CROCC2: variants seen among roughly 807,000 people sequenced by gnomAD.
CROCC2 encodes ciliary rootlet coiled-coil protein 2.
CROCC2 carries 163 observed loss-of-function variants against 177.6 expected under a neutral mutation model. The ratio of observed to expected loss-of-function variants is 0.92; its 90% CI spans 0.81 to 1.05. The LOEUF is 1.05. Ranked by LOEUF, CROCC2 falls within the 50% of genes least tolerant of loss-of-function variation. The probability of loss-of-function intolerance (pLI) is 0.00; values close to 1 mark genes in which losing one functional copy is unlikely to be tolerated. For synonymous variants in CROCC2, 904 were observed against 787.3 expected (o/e 1.15, Z -2.48); for missense variants, 1,929 against 1,797.8 (o/e 1.07, Z -1.32).
chr2:240,937,210 T>A (rs887374018), intron 14 of CROCC2, among the ~76,000 whole-genome samples: 4 of 152,230 alleles, frequency 2.6e-5, no homozygotes, highest in Admixed American at 2.6e-4. Flanking sequence ...TTTGTTTTTT[T>A]AGCTATTCTG....
In CROCC2 at chr2:240,950,375, C is replaced by T; in HGVS notation, c.2694C>T (p.Ala898=). 1.3e-6 allele frequency: 2 copies of T among 1,550,254 alleles called. No individual in the cohort carries two copies. The highest frequency in any genetic ancestry group is 2.4e-5 in the South Asian group (2 of 84,054). ...CCCTGGCAGAGGAGAAGGAGGTAGC[C>T]AGATGCCAGCTGGAGCAGGAGAAGG... is the stretch of plus-strand genomic sequence containing the variant. ...SLTLAEEKEV[A]RCQLEQEKEL... Residue 898 remains alanine, a synonymous_variant, in exon 18 of 32, where the codon GCC becomes GCT. Transcript: ENST00000690015.
In CROCC2 at chr2:240,949,208, G is replaced by C; in HGVS notation, c.2482+111G>C. On this transcript the variant is annotated intron_variant, in intron 16 of 31. Coordinates refer to ENST00000690015, the MANE Select transcript of CROCC2 (RefSeq NM_001351305.2). This position sits in a 1 kb window ranked among gnomAD's most constrained non-coding sequence, Gnocchi z 4.5. ...TGCACCCCCTCTCCGGAGCCCACAG[G>C]GGCATGAACATGAGCTTGGAGCTCA... 1 of 1,439,762 alleles carries C rather than the reference G, an allele frequency of 6.9e-7. No individual in the cohort carries two copies. The highest frequency in any genetic ancestry group is 1.5e-5 in the South Asian group (1 of 67,318). The allele number at this position is 1,439,762 out of a possible 1,614,324, so 89.2% of individuals were successfully genotyped here.
intron 1 of CROCC2, among the ~76,000 whole-genome samples, chr2:240,907,142 G>A (rs904579719): frequency 3.9e-5 from 6 of 152,218 alleles, no homozygotes; most frequent in African/African-American, 1.4e-4. Flanking sequence ...GGGGCCAGCA[G>A]GGCCTCTCGG....
rs527611852 is a variant in CROCC2 at position 240,960,096 on chromosome 2, G to A, written c.3087+652G>A. On this transcript the variant is annotated intron_variant, in intron 20 of 31. Coordinates refer to ENST00000690015, the MANE Select transcript of CROCC2 (RefSeq NM_001351305.2). This position sits in a 1 kb window ranked among gnomAD's most constrained non-coding sequence, Gnocchi z 5.0. ...CTCTGGAGGCACTGGGGCAGCTGTCGCCTCCCAAAGCCTTCCCGAGAGACA... is the reference window on the plus strand; with the variant it reads ...CTCTGGAGGCACTGGGGCAGCTGTCACCTCCCAAAGCCTTCCCGAGAGACA... 2.6e-5 allele frequency among the ~76,000 whole-genome samples: 4 copies of A among 152,354 alleles called. No homozygotes were observed. The highest frequency in any genetic ancestry group is 4.1e-4 in the South Asian group (2 of 4,830).
In CROCC2 at chr2:240,993,304, T is replaced by C; in HGVS notation, c.*223T>C. On this transcript the variant is annotated 3_prime_UTR_variant, in exon 32 of 32. Coordinates refer to ENST00000690015, the MANE Select transcript of CROCC2 (RefSeq NM_001351305.2). ...TTTTGAATTTTAATAAATAGTTGAA[T>C]CAGCGTAGGAGATGCTATTTTAACT... 1 of 550,420 alleles carries C rather than the reference T, an allele frequency of 1.8e-6. No individual in the cohort carries two copies. Among genetic ancestry groups the C allele is most frequent in the Non-Finnish European group, 3.3e-6 (1 of 305,950 alleles). 34.1% of individuals were successfully genotyped at this position (550,420 alleles called of 1,614,324 possible). A position where few individuals can be genotyped will look rare whatever the true frequency, so the allele number is the denominator to read the frequency against.
intron 14 of CROCC2, among the ~76,000 whole-genome samples, chr2:240,943,247 A>G (rs2059504072): frequency 6.6e-6 from 1 of 152,080 alleles, no homozygotes; most frequent in South Asian, 2.1e-4. Context: ...GGTTCAAGTG[A>G]TCCACCTGCC....
chr2:240,946,755 A>G (rs2059526929), intron 15 of CROCC2, among the ~76,000 whole-genome samples: 1 of 152,228 alleles, frequency 6.6e-6, no homozygotes, highest in Admixed American at 6.5e-5. Context: ...TTCTCCCTGC[A>G]AGGCCTGAGA....
Position 240,982,673 on chromosome 2 carries a change from T to TG in CROCC2, c.4402-202dup. The stretch of plus-strand genomic sequence containing the variant: ...CCCAGGACTTTCGTCTCAGGCTTCC[T>TG]GGGGGTCCACACCTTTGAGGTTACA... On this transcript the variant is annotated intron_variant, in intron 27 of 31. Transcript: ENST00000690015. The surrounding 1 kb of genome is among the most constrained non-coding windows in gnomAD (Gnocchi z 4.7). The TG allele has an allele frequency of 2.0e-6, 1 of 505,678 alleles. No individual in the cohort carries two copies. The highest frequency in any genetic ancestry group is 3.1e-5 in the South Asian group (1 of 32,168). The allele number at this position is 505,678 out of a possible 1,614,324, so 31.3% of individuals were successfully genotyped here.
At chr2:240,932,929 G>A (rs1361375124) in intron 9 of CROCC2, 21 bp downstream of exon 9, 5 of 1,543,332 alleles carry the variant, frequency 3.2e-6, no homozygotes, top group South Asian at 1.2e-5. Context: ...GCAGCCCACA[G>A]GACTCCCTGT....
chr2:240,966,210 T>C lies in CROCC2; in HGVS notation c.3962-15T>C. 9.8e-7 allele frequency: 1 copy of C among 1,024,460 alleles called. No individual in the cohort carries two copies. Among genetic ancestry groups the C allele is most frequent in the Non-Finnish European group, 1.3e-6 (1 of 796,144 alleles). The allele number at this position is 1,024,460 out of a possible 1,614,324, so 63.5% of individuals were successfully genotyped here. A position where few individuals can be genotyped will look rare whatever the true frequency, so the allele number is the denominator to read the frequency against. On this transcript the variant is annotated splice_polypyrimidine_tract_variant and intron_variant, in intron 24 of 31. Transcript: ENST00000690015. ...GTGTTCCTGTCCACGACCCCTCCGC[T>C]GTCACCTCCCGCAGGCTCCGACAGC...
chr2:240,949,454 C>T lies in CROCC2; in HGVS notation c.2483-79C>T, dbSNP rs903789021. On this transcript the variant is annotated intron_variant, in intron 16 of 31. Transcript: ENST00000690015. This position sits in a 1 kb window ranked among gnomAD's most constrained non-coding sequence, Gnocchi z 4.5. ...GAGTGGACAGTGCTTGCCCCCAAGACTGTCACTCCCTAGGAAGTCCCAAAG... is the reference window on the plus strand; with the variant it reads ...GAGTGGACAGTGCTTGCCCCCAAGATTGTCACTCCCTAGGAAGTCCCAAAG... 5 of 1,484,250 alleles carry T rather than the reference C, an allele frequency of 3.4e-6. No homozygotes were observed. The African/African-American group carries it at 7.0e-5, about 21-fold the overall frequency. 91.9% of individuals were successfully genotyped at this position (1,484,250 alleles called of 1,614,324 possible). A position where few individuals can be genotyped will look rare whatever the true frequency, so the allele number is the denominator to read the frequency against.
At chr2:240,912,773 T>C (rs937606775) in intron 1 of CROCC2, among the ~76,000 whole-genome samples, 1 of 152,218 alleles carries the variant, frequency 6.6e-6, no homozygotes, top group African/African-American at 2.4e-5. Context: ...AACGTTCTAA[T>C]CGTGCCGTGG....
chr2:240,943,315 C>T (rs1559599110), intron 14 of CROCC2, among the ~76,000 whole-genome samples: 1 of 151,868 alleles, frequency 6.6e-6, no homozygotes, highest in Non-Finnish European at 1.5e-5. Context: ...TTTTTAAAAT[C>T]GCAATATACA....
At chr2:240,937,791 AGGAGGGGCCTGGTG>A (rs2059478929) in intron 14 of CROCC2, among the ~76,000 whole-genome samples, 1 of 152,120 alleles carries the variant, frequency 6.6e-6, no homozygotes, top group Non-Finnish European at 1.5e-5. Flanking sequence ...GTCAAATTGG[AGGAGGGGCCTGGTG>A]GGAGGTGATT....
chr2:240,946,184 A>G lies in CROCC2; in HGVS notation c.2294A>G (p.Gln765Arg), dbSNP rs2059523085. 1 of 1,547,764 alleles carries G rather than the reference A, an allele frequency of 6.5e-7. No homozygotes were observed. The highest frequency in any genetic ancestry group is 1.4e-5 in the African/African-American group (1 of 73,024). Residue 765 changes from glutamine to arginine, a missense_variant, in exon 15 of 32, where the codon CAG (glutamine) becomes CGG (arginine). This residue lies in a region of CROCC2 where 1,397 missense variants were observed against 1,239.9 expected (regional missense o/e 1.13). Transcript: ENST00000690015. The stretch of plus-strand genomic sequence containing the variant: ...GATGCTCTGTCTGAGGAGCGGGCCC[A>G]GCTGCTGGCCAAGCAGGAGGCCTTG... ...GKDALSEERA[Q>R]LLAKQEALER...
At position 240,955,865 on chromosome 2, in the gene CROCC2, T is replaced by C; in HGVS notation, c.2836T>C (p.Ser946Pro). 1 of 1,533,752 alleles carries C rather than the reference T, an allele frequency of 6.5e-7. No homozygotes were observed. The highest frequency in any genetic ancestry group is 8.7e-7 in the Non-Finnish European group (1 of 1,145,710). The change falls in exon 19 of 32, where the codon TCC becomes CCC. Residue 946 changes from serine to proline, a missense_variant. Around this residue, in one of 3 missense-constraint regions of CROCC2, gnomAD observed 1,397 missense variants for 1,239.9 expected, o/e 1.13. Transcript: ENST00000690015. Reference sequence around the variant, plus strand: ...CATACCCCGTCCTGTTCAGGCCCTGTCCCTGAAAGAAACAGAGCGGAGCCT... The same window carrying C: ...CATACCCCGTCCTGTTCAGGCCCTGCCCCTGAAAGAAACAGAGCGGAGCCT... ...QLEHKMQQAL[S>P]LKETERSLLS... is the part of the protein sequence containing the mutation.
chr2:240,958,189 C>T lies in CROCC2; in HGVS notation c.2944-1112C>T, dbSNP rs890788263. On this transcript the variant is annotated intron_variant, in intron 19 of 31. Coordinates refer to ENST00000690015, the MANE Select transcript of CROCC2 (RefSeq NM_001351305.2). This position sits in a 1 kb window ranked among gnomAD's most constrained non-coding sequence, Gnocchi z 6.7. ...AGGCGCCAGATGACAGGACAGCGTGCGCCCCTAGGCTGAGTCACCACTGCC... is the reference window on the plus strand; with the variant it reads ...AGGCGCCAGATGACAGGACAGCGTGTGCCCCTAGGCTGAGTCACCACTGCC... The T allele has an allele frequency of 1.2e-5, 12 of 985,134 alleles. No individual in the cohort carries two copies. Among genetic ancestry groups the T allele is most frequent in the African/African-American group, 1.7e-5 (1 of 57,226 alleles). 61.0% of individuals were successfully genotyped at this position (985,134 alleles called of 1,614,324 possible). A position where few individuals can be genotyped will look rare whatever the true frequency, so the allele number is the denominator to read the frequency against.
chr2:240,937,900 C>A (rs908750158), intron 14 of CROCC2, among the ~76,000 whole-genome samples: 2 of 152,164 alleles, frequency 1.3e-5, no homozygotes, highest in Non-Finnish European at 2.9e-5. Flanking sequence ...AAGTGTGTGG[C>A]ACTTCTCCCT....
In CROCC2 at chr2:240,948,807, C is replaced by T. The variant is rs2059537487; in HGVS notation, c.2364-172C>T. On this transcript the variant is annotated intron_variant, in intron 15 of 31. Coordinates refer to ENST00000690015, the MANE Select transcript of CROCC2 (RefSeq NM_001351305.2). ...ACATGAGAATAGAAAATAGTTTCCT[C>T]ATCCTTGTTAACAGCACATGGTGCT... Among the ~76,000 whole-genome samples, 3 of 152,218 alleles carry T rather than the reference C, an allele frequency of 2.0e-5. No individual in the cohort carries two copies. The South Asian group carries it at 6.2e-4, about 32-fold the overall frequency.
Sources: gnomAD v4.1 joint callset for allele counts (sites outside exome capture counted in the v4.1 genomes callset) on GRCh38, gnomAD v4.1.1 for gene constraint, gnomAD v4.1.1 regional missense constraint, Gnocchi (gnomAD v3.1) non-coding constraint, MANE v1.5 for transcripts, NCBI Gene and HGNC (gene_info 2026-07-23, HGNC 2026-07-21) for gene names.